The following KALRN variants were observed in gnomAD, a reference collection of about 807,000 sequenced individuals.
KALRN encodes the protein kalirin.
KALRN carries 70 observed loss-of-function variants against 353.7 expected under a neutral mutation model. That is an observed-to-expected ratio of 0.20 (90% CI 0.16 to 0.24). The LOEUF is 0.24. Ranked by LOEUF, KALRN falls within the 10% of genes least tolerant of loss-of-function variation. KALRN has a pLI of 1.00. For synonymous variants in KALRN, 1,391 were observed against 1,434.8 expected (o/e 0.97, Z 0.69); for missense variants, 2,791 against 3,756.7 (o/e 0.74, Z 6.72).
At chr3:124,323,049 G>A (rs1323164959) in intron 6 of KALRN, among the ~76,000 whole-genome samples, 1 of 151,906 alleles carries the variant, frequency 6.6e-6, no homozygotes, top group Non-Finnish European at 1.5e-5. Flanking sequence ...ATAATTATTT[G>A]TTAGTTTTAG....
intron 1 of KALRN, among the ~76,000 whole-genome samples, chr3:124,169,335 A>G (rs1920608): frequency 0.28 from 42,508 of 151,874 alleles, 6,478 homozygotes; most frequent in East Asian, 0.47. Context: ...ATAATAGGGT[A>G]GGGATGGGGT....
intron 1 of KALRN, among the ~76,000 whole-genome samples, chr3:124,209,556 CTG>C (rs1451525047): frequency 6.6e-6 from 1 of 150,400 alleles, no homozygotes; most frequent in Non-Finnish European, 1.5e-5. Flanking sequence ...CCTGACCTCT[CTG>C]AGAGTAGCTC....
At chr3:124,665,954 C>T (rs147485897) in intron 45 of KALRN, among the ~76,000 whole-genome samples, 1 of 152,114 alleles carries the variant, frequency 6.6e-6, no homozygotes, top group Non-Finnish European at 1.5e-5. Flanking sequence ...TGTGGTCCTG[C>T]CTTCATCACT....
intron 9 of KALRN, 36 bp from the exon 10 acceptor site, chr3:124,347,107 A>G (rs2082331197): frequency 6.2e-7 from 1 of 1,613,346 alleles, no homozygotes; most frequent in Non-Finnish European, 8.5e-7. Flanking sequence ...TCCTTCTGCT[A>G]GAAAGTCATT....
At chr3:124,684,550 C>G (rs912603450) in intron 51 of KALRN, among the ~76,000 whole-genome samples, 2 of 152,160 alleles carry the variant, frequency 1.3e-5, no homozygotes, top group African/African-American at 2.4e-5. Flanking sequence ...GGCCAGTTAG[C>G]CTTTCTGAGC....
At chr3:124,054,275 T>G (rs2041313637) in intron 1 of KALRN, among the ~76,000 whole-genome samples, 1 of 151,706 alleles carries the variant, frequency 6.6e-6, no homozygotes, top group South Asian at 2.1e-4. Context: ...ATAATCCCAG[T>G]ACTTTGGGAG....
intron 3 of KALRN, among the ~76,000 whole-genome samples, chr3:124,254,421 G>GA (rs2071613213): frequency 6.2e-5 from 1 of 16,244 alleles, no homozygotes; most frequent in African/African-American, 2.2e-4. Flanking sequence ...CATCTATGAA[G>GA]CAAAAAAAAA....
intron 34 of KALRN, among the ~76,000 whole-genome samples, chr3:124,587,856 G>A (rs888742739): frequency 1.2e-4 from 18 of 151,258 alleles, no homozygotes; most frequent in Non-Finnish European, 4.4e-5. Flanking sequence ...CACTACCCCA[G>A]GCTAATATTT....
chr3:124,109,684 CAT>C (rs1329390670), intron 1 of KALRN, among the ~76,000 whole-genome samples: 6 of 146,754 alleles, frequency 4.1e-5, no homozygotes, highest in Non-Finnish European at 3.0e-5. Flanking sequence ...ATATACATAT[CAT>C]ATATATATCA....
chr3:124,286,962 A>G (rs2075970584), intron 5 of KALRN, among the ~76,000 whole-genome samples: 1 of 152,188 alleles, frequency 6.6e-6, no homozygotes, highest in African/African-American at 2.4e-5. Flanking sequence ...AAATATCTTA[A>G]AGTCTTATTC....
At chr3:124,127,111 A>G (rs140460722) in intron 1 of KALRN, among the ~76,000 whole-genome samples, 129 of 152,282 alleles carry the variant, frequency 8.5e-4, no homozygotes, top group African/African-American at 2.8e-3. Context: ...CCCTTCATAA[A>G]TTTCAAATTG....
chr3:124,347,371 CTGTGTGTGTGTGTG>C lies in KALRN; in HGVS notation c.1770+126_1770+139del, dbSNP rs10663884. 5.3e-5 allele frequency: 30 copies of C among 564,082 alleles called. 1 individual carries two copies. The South Asian group carries it at 7.0e-4, about 13-fold the overall frequency. The allele number at this position is 564,082 out of a possible 1,614,324, so 34.9% of individuals were successfully genotyped here. Reference sequence around the variant, plus strand: ...TTGAAGAGGTGGCTCAGGTGAGAAGCTGTGTGTGTGTGTGTGTGTGTGTGTGTGTGTGTCTAGAT... The same window carrying C: ...TTGAAGAGGTGGCTCAGGTGAGAAGCTGTGTGTGTGTGTGTGTGTCTAGAT... On this transcript the variant is annotated intron_variant, in intron 10 of 59. Coordinates refer to ENST00000682506, the MANE Select transcript of KALRN (RefSeq NM_001388419.1).
intron 34 of KALRN, among the ~76,000 whole-genome samples, chr3:124,587,684 AC>A (rs1561351857): frequency 1.4e-5 from 1 of 73,252 alleles, no homozygotes; most frequent in African/African-American, 5.0e-5. Context: ...TTTTCCCTCC[AC>A]CCCCACCCTC....
At chr3:124,516,966 T>C (rs762754831) in intron 33 of KALRN, among the ~76,000 whole-genome samples, 1 of 152,006 alleles carries the variant, frequency 6.6e-6, no homozygotes, top group Non-Finnish European at 1.5e-5. Context: ...TACAGGCGCC[T>C]GCCACCACAC....
At chr3:124,348,166 G>T (rs1209422940) in intron 10 of KALRN, among the ~76,000 whole-genome samples, 4 of 149,306 alleles carry the variant, frequency 2.7e-5, no homozygotes, top group Non-Finnish European at 6.1e-5. Context: ...GGCAGGGAGG[G>T]TGCCCATATG....
Position 124,217,274 on chromosome 3 carries a change from A to G in KALRN, c.74-10716A>G, listed in dbSNP as rs1006034734. On this transcript the variant is annotated intron_variant, in intron 1 of 59. Coordinates refer to ENST00000682506, the MANE Select transcript of KALRN (RefSeq NM_001388419.1). ...TAGGTGCTCAATAAATATTTACTGA[A>G]TTGAATTGTATATGTTTGGATATCC... is the stretch of plus-strand genomic sequence containing the variant. 5.3e-5 allele frequency among the ~76,000 whole-genome samples: 8 copies of G among 152,240 alleles called. 1 individual carries two copies. Among genetic ancestry groups the G allele is most frequent in the Admixed American group, 5.2e-4 (8 of 15,288 alleles).
chr3:124,373,040 T>C (rs2086077337), intron 10 of KALRN, among the ~76,000 whole-genome samples: 1 of 152,130 alleles, frequency 6.6e-6, no homozygotes. Flanking sequence ...GCCTGGGCCC[T>C]GCATTGTCCC....
intron 34 of KALRN, among the ~76,000 whole-genome samples, chr3:124,626,166 G>T (rs1053487391): frequency 2.6e-5 from 4 of 152,152 alleles, no homozygotes; most frequent in Non-Finnish European, 4.4e-5. Flanking sequence ...AAATGAAGTT[G>T]CAAAGTAATA....
chr3:124,459,364 A>G (rs2059634110), intron 23 of KALRN, among the ~76,000 whole-genome samples: 1 of 152,216 alleles, frequency 6.6e-6, no homozygotes, highest in Admixed American at 6.5e-5. Context: ...GAAGTAGCTG[A>G]GGTTTTCATA....
Sources: gnomAD v4.1 joint callset for allele counts (sites outside exome capture counted in the v4.1 genomes callset) on GRCh38, gnomAD v4.1.1 for gene constraint, MANE v1.5 for transcripts, NCBI Gene and HGNC (gene_info 2026-07-23, HGNC 2026-07-21) for gene names.